PTPRM: variants seen among roughly 807,000 people sequenced by gnomAD.
The protein encoded by PTPRM is receptor-type tyrosine-protein phosphatase mu.
PTPRM carries 47 observed loss-of-function variants against 186.7 expected under a neutral mutation model. That is an observed-to-expected ratio of 0.25 (90% CI 0.20 to 0.32). The LOEUF (loss-of-function observed/expected upper bound fraction) is 0.32, where lower values mean the gene tolerates loss of function less well. PTPRM is among the 10% of genes least tolerant of loss of function. PTPRM has a pLI of 1.00. For missense variants in PTPRM, 1,494 were observed against 1,865.0 expected, an observed-to-expected ratio of 0.80 and a Z score of 3.66; for synonymous variants, 668 against 674.9, an observed-to-expected ratio of 0.99 and a Z score of 0.16.
intron 14 of PTPRM, among the ~76,000 whole-genome samples, chr18:8,184,312 T>TCACTGA (rs2093615502): frequency 7.3e-6 from 1 of 136,886 alleles, no homozygotes; most frequent in African/African-American, 2.5e-5. Flanking sequence ...TTTGATGTGT[T>TCACTGA]TTATCCTGCT....
At chr18:7,757,511 C>G (rs370320684) in intron 1 of PTPRM, among the ~76,000 whole-genome samples, 6 of 152,164 alleles carry the variant, frequency 3.9e-5, no homozygotes, top group African/African-American at 1.4e-4. Flanking sequence ...GTCTTGCTAC[C>G]ATAGTCAAGG....
At chr18:8,240,557 G>GGAAA (rs1223172470) in intron 14 of PTPRM, among the ~76,000 whole-genome samples, 1 of 112,820 alleles carries the variant, frequency 8.9e-6, no homozygotes. Flanking sequence ...AAGGAAAGAA[G>GGAAA]GAAAGAAAGA....
chr18:7,814,980 G>A (rs1214659354), intron 2 of PTPRM: 1 of 151,970 alleles, frequency 6.6e-6, no homozygotes, highest in Non-Finnish European at 1.5e-5. Flanking sequence ...CCAATCATCA[G>A]TCCTCCCAGT....
At chr18:8,060,619 T>C in intron 7 of PTPRM, among the ~76,000 whole-genome samples, 2 of 23,292 alleles carry the variant, frequency 8.6e-5, no homozygotes, top group Non-Finnish European at 1.9e-4. Flanking sequence ...CTCTACACAC[T>C]GCTTTGAATG....
At chr18:7,606,045 G>T (rs569320955) in intron 1 of PTPRM, among the ~76,000 whole-genome samples, 14 of 152,248 alleles carry the variant, frequency 9.2e-5, no homozygotes, top group South Asian at 8.3e-4. Context: ...TTACTGGTCT[G>T]CAGGACCAGG....
At chr18:7,813,135 CAT>C (rs1279528167) in intron 2 of PTPRM, among the ~76,000 whole-genome samples, 1 of 152,168 alleles carries the variant, frequency 6.6e-6, no homozygotes, top group Non-Finnish European at 1.5e-5. Flanking sequence ...AAGAGACAAA[CAT>C]ATGCCAGTGC....
intron 14 of PTPRM, among the ~76,000 whole-genome samples, chr18:8,214,687 GGAGCCTC>G (rs1454667106): frequency 1.3e-5 from 2 of 151,976 alleles, no homozygotes; most frequent in African/African-American, 4.8e-5. Flanking sequence ...ATTTTGAGAT[GGAGCCTC>G]TCTCTGTCAC....
At chr18:7,950,919 T>C (rs563788176) in intron 6 of PTPRM, among the ~76,000 whole-genome samples, 13 of 152,340 alleles carry the variant, frequency 8.5e-5, no homozygotes, top group African/African-American at 2.9e-4. Context: ...ATATGCTCTG[T>C]TGTGAGATCA....
chr18:8,260,559 G>A (rs777016563), intron 19 of PTPRM, among the ~76,000 whole-genome samples: 1 of 152,074 alleles, frequency 6.6e-6, no homozygotes, highest in Non-Finnish European at 1.5e-5. Context: ...ATTCATGAGG[G>A]ATCTACTCCC....
chr18:8,376,685 C>T, intron 26 of PTPRM, 88 bp downstream of exon 26: 2 of 1,428,134 alleles, frequency 1.4e-6, no homozygotes, highest in Non-Finnish European at 1.9e-6. Context: ...CACAAGGAAT[C>T]CAGGCAATTA....
intron 1 of PTPRM, among the ~76,000 whole-genome samples, chr18:7,688,019 G>A (rs538993881): frequency 3.2e-4 from 48 of 152,096 alleles, no homozygotes; most frequent in African/African-American, 9.4e-4. Context: ...TTTGTGATCC[G>A]CCCGTCTCAG....
chr18:8,018,531 G>A (rs1358543025), intron 7 of PTPRM, among the ~76,000 whole-genome samples: 5 of 152,078 alleles, frequency 3.3e-5, no homozygotes, highest in Non-Finnish European at 5.9e-5. Flanking sequence ...TTATTTTTAA[G>A]AATTCTTTAA....
chr18:7,789,578 A>C (rs145100812), intron 2 of PTPRM, among the ~76,000 whole-genome samples: 2,649 of 152,278 alleles, frequency 0.017, 44 homozygotes, highest in Non-Finnish European at 0.03. Context: ...GGACTCACTT[A>C]AGAAAGGGCT....
At chr18:7,860,326 G>A (rs1263488393) in intron 2 of PTPRM, among the ~76,000 whole-genome samples, 4 of 152,162 alleles carry the variant, frequency 2.6e-5, no homozygotes, top group Admixed American at 6.5e-5. Flanking sequence ...GCTGGCCTTG[G>A]CTTCCCAAAG....
intron 19 of PTPRM, among the ~76,000 whole-genome samples, chr18:8,261,113 GC>G (rs1371241989): frequency 6.6e-6 from 1 of 152,168 alleles, no homozygotes; most frequent in Non-Finnish European, 1.5e-5. Context: ...TTTCAGATGT[GC>G]TTTTCAGTTC....
At chr18:7,661,108 G>A (rs1482970267) in intron 1 of PTPRM, among the ~76,000 whole-genome samples, 1 of 152,196 alleles carries the variant, frequency 6.6e-6, no homozygotes, top group Non-Finnish European at 1.5e-5. Context: ...TCTTTGCACA[G>A]GGAAAAATGA....
intron 2 of PTPRM, among the ~76,000 whole-genome samples, chr18:7,845,775 T>G (rs1414937281): frequency 6.6e-6 from 1 of 152,168 alleles, no homozygotes; most frequent in Non-Finnish European, 1.5e-5. Flanking sequence ...TGTCCATACA[T>G]AATAGTGCAG....
intron 4 of PTPRM, among the ~76,000 whole-genome samples, chr18:7,916,576 A>G (rs1435132036): frequency 6.6e-6 from 1 of 152,212 alleles, no homozygotes; most frequent in African/African-American, 2.4e-5. Context: ...GTGTCCTCAC[A>G]TGGCAGACAG....
At chr18:8,184,247 G>A (rs1718440178) in intron 14 of PTPRM, among the ~76,000 whole-genome samples, 1 of 152,114 alleles carries the variant, frequency 6.6e-6, no homozygotes, top group African/African-American at 2.4e-5. Flanking sequence ...TGCCATTCTG[G>A]AGCACGAATA....
Sources: allele counts gnomAD v4.1 joint callset (sites outside exome capture counted in the v4.1 genomes callset), GRCh38; gene constraint gnomAD v4.1.1; transcripts MANE v1.5; gene names NCBI Gene and HGNC (gene_info 2026-07-23, HGNC 2026-07-21).